Variants in KIF17 observed in about 807,000 individuals in gnomAD.
KIF17 encodes kinesin family member 17.
Under a neutral mutation model 96.8 loss-of-function variants are expected in KIF17, and 80 were observed. The ratio of observed to expected loss-of-function variants is 0.83; its 90% CI spans 0.69 to 1.00. The LOEUF (loss-of-function observed/expected upper bound fraction) is 1.00. KIF17 is among the 50% of genes least tolerant of loss of function. KIF17 has a pLI of 0.00. For synonymous variants in KIF17, 567 were observed against 587.5 expected (o/e 0.97, Z 0.51); for missense variants, 1,280 against 1,372.9 (o/e 0.93, Z 1.07).
chr1:20,712,860 ATATTATAGATATTATC>A (rs2054493511), intron 3 of KIF17, among the ~76,000 whole-genome samples: 1 of 65,496 alleles, frequency 1.5e-5, no homozygotes, highest in African/African-American at 5.4e-5. Flanking sequence ...AATATTATCT[ATATTATAGATATTATC>A]TATATATAAT....
At chr1:20,680,400 A>G (rs1397144458) in intron 11 of KIF17, among the ~76,000 whole-genome samples, 3 of 152,166 alleles carry the variant, frequency 2.0e-5, no homozygotes, top group Non-Finnish European at 2.9e-5. Context: ...AGCTCACAGA[A>G]CCAAGCCAGC....
chr1:20,679,313 A>T (rs1206402065), intron 11 of KIF17, among the ~76,000 whole-genome samples: 2 of 151,954 alleles, frequency 1.3e-5, no homozygotes, highest in African/African-American at 4.8e-5. Flanking sequence ...GCTACAAAAA[A>T]TAATAATAAT....
Position 20,687,336 on chromosome 1 carries a change from G to A in KIF17, c.1938+52C>T, listed in dbSNP as rs187193254. On this transcript the variant is annotated intron_variant, in intron 8 of 14. Coordinates refer to ENST00000400463, the MANE Select transcript of KIF17 (RefSeq NM_001122819.3). This position sits in a 1 kb window ranked among gnomAD's most constrained non-coding sequence, Gnocchi z 4.4. Reference sequence around the variant, plus strand: ...GTGCACAGTGAGCTCCGGGCCCTGGGCAAGCTCTGCCTGCTCAGTGTTCAC... The same window carrying A: ...GTGCACAGTGAGCTCCGGGCCCTGGACAAGCTCTGCCTGCTCAGTGTTCAC... 133 of 1,597,864 alleles carry A rather than the reference G, an allele frequency of 8.3e-5. 1 individual carries two copies. The East Asian group carries it at 2.3e-3, about 28-fold the overall frequency.
At chr1:20,677,528 C>A (rs894123273) in intron 11 of KIF17, among the ~76,000 whole-genome samples, 1 of 152,154 alleles carries the variant, frequency 6.6e-6, no homozygotes, top group Non-Finnish European at 1.5e-5. Context: ...AAGCAATGAT[C>A]CAGCCTCACA....
At chr1:20,695,802 TAC>T (rs1019359693) in intron 6 of KIF17, among the ~76,000 whole-genome samples, 22 of 152,280 alleles carry the variant, frequency 1.4e-4, no homozygotes, top group African/African-American at 4.8e-4. Context: ...CCCGACAGTC[TAC>T]AACACATGCT....
chr1:20,715,345 C>T (rs2054557794), intron 2 of KIF17, 148 bp downstream of exon 2: 1 of 1,058,154 alleles, frequency 9.5e-7, no homozygotes, highest in Non-Finnish European at 1.4e-6. Context: ...TTTTTTCCCA[C>T]CACCTTTTCA....
At chr1:20,714,561 C>T (rs910956696) in intron 2 of KIF17, among the ~76,000 whole-genome samples, 5 of 151,886 alleles carry the variant, frequency 3.3e-5, no homozygotes, top group African/African-American at 1.2e-4. Context: ...CTTTGGGAGG[C>T]CGAGGCCAAT....
chr1:20,677,339 C>T (rs2053755410), intron 11 of KIF17, among the ~76,000 whole-genome samples: 3 of 152,204 alleles, frequency 2.0e-5, no homozygotes, highest in Admixed American at 6.5e-5. Context: ...CTAGTGACAT[C>T]GAGCAAAATC....
chr1:20,713,312 AT>A (rs2054514864), intron 3 of KIF17, 141 bp downstream of exon 3: 1 of 631,408 alleles, frequency 1.6e-6, no homozygotes, highest in Admixed American at 3.0e-5. Flanking sequence ...GTTTTTTTTA[AT>A]TAAAAAAAAA....
intron 3 of KIF17, among the ~76,000 whole-genome samples, chr1:20,712,822 AGATAT>A (rs2054488298): frequency 1.1e-5 from 1 of 88,656 alleles, no homozygotes; most frequent in African/African-American, 4.6e-5. Flanking sequence ...TATATAATAT[AGATAT>A]TATCTATATT....
At position 20,685,015 on chromosome 1, in the gene KIF17, T is replaced by C. The variant is rs963158639; in HGVS notation, c.2025A>G (p.Val675=). 2 of 1,591,636 alleles carry C rather than the reference T, an allele frequency of 1.3e-6. No homozygotes were observed. Among genetic ancestry groups the C allele is most frequent in the African/African-American group, 1.3e-5 (1 of 74,476 alleles). ...CTAAGGCCACTTCCGAGGCCAGATCTACCTCCTGAGTGTGAAGAGAAACCC... is the reference window on the plus strand; with the variant it reads ...CTAAGGCCACTTCCGAGGCCAGATCCACCTCCTGAGTGTGAAGAGAAACCC... ...AADDFPPRPE[V]DLASEVALEV... The change falls in exon 10 of 15, where the codon GTA becomes GTG. Residue 675 remains valine, a synonymous_variant. Coordinates refer to ENST00000400463, the MANE Select transcript of KIF17 (RefSeq NM_001122819.3). The surrounding 1 kb of genome is among the most constrained non-coding windows in gnomAD (Gnocchi z 4.1).
chr1:20,712,820 ATAGATATTATCTATAT>A lies in KIF17; in HGVS notation c.480+618_480+633del, dbSNP rs1235258372. Among the ~76,000 whole-genome samples the A allele has an allele frequency of 3.5e-4, 32 of 91,954 alleles. 2 individuals carry two copies. The highest frequency in any genetic ancestry group is 1.3e-3 in the African/African-American group (31 of 23,066). 60.3% of individuals were successfully genotyped at this position (91,954 alleles called of 152,430 possible). On this transcript the variant is annotated intron_variant, in intron 3 of 14. Coordinates refer to ENST00000400463, the MANE Select transcript of KIF17 (RefSeq NM_001122819.3). ...AATAGATAATATCTATATATATAAT[ATAGATATTATCTATAT>A]TATAGATATAGATAATATTATCTAT...
rs181980737 is a variant in KIF17, at chr1:20,698,625, C to T, written c.1124-137G>A. 5 of 631,316 alleles carry T rather than the reference C, an allele frequency of 7.9e-6. No individual in the cohort carries two copies. The East Asian group carries it at 1.1e-4, about 14-fold the overall frequency. The allele number at this position is 631,316 out of a possible 1,614,324, so 39.1% of individuals were successfully genotyped here. ...ATTCAGCTTATTTCAAACACATCTC[C>T]ATGTAAAAGGCTGTTAGTCATCCAA... is the stretch of plus-strand genomic sequence containing the variant. On this transcript the variant is annotated intron_variant, in intron 5 of 14. Coordinates refer to ENST00000400463, the MANE Select transcript of KIF17 (RefSeq NM_001122819.3).
intron 14 of KIF17, among the ~76,000 whole-genome samples, chr1:20,665,002 T>A (rs1257820280): frequency 6.6e-6 from 1 of 151,994 alleles, no homozygotes; most frequent in Non-Finnish European, 1.5e-5. Flanking sequence ...TTTTAAAGCA[T>A]CAGACTGAGG....
downstream of KIF17, among the ~76,000 whole-genome samples, chr1:20,662,601 G>A (rs1047795987): frequency 1.3e-5 from 2 of 151,644 alleles, no homozygotes; most frequent in Middle Eastern, 3.2e-3. Flanking sequence ...TACCACATCC[G>A]CCCGCCTCTA....
At chr1:20,712,653 T>TTA (rs2054471387) in intron 3 of KIF17, among the ~76,000 whole-genome samples, 1 of 67,928 alleles carries the variant, frequency 1.5e-5, no homozygotes, top group South Asian at 3.7e-4. Context: ...ATAGATAATA[T>TTA]TATCTATATA....
chr1:20,717,864 CGCCCCGGA>C lies in KIF17; in HGVS notation c.-166_-159del. 2.4e-6 allele frequency: 1 copy of C among 420,174 alleles called. No homozygotes were observed. Among genetic ancestry groups the C allele is most frequent in the Admixed American group, 2.6e-4 (1 of 3,800 alleles). The allele number at this position is 420,174 out of a possible 1,614,324, so 26.0% of individuals were successfully genotyped here. A position where few individuals can be genotyped will look rare whatever the true frequency, so the allele number is the denominator to read the frequency against. On this transcript the variant is annotated 5_prime_UTR_variant, in exon 1 of 15. Coordinates refer to ENST00000400463, the MANE Select transcript of KIF17 (RefSeq NM_001122819.3). ...CGGGGGGCGGGGACCCCTCGGGGGG[CGCCCCGGA>C]GGGGAGCTGGGCGTCGCAGGACCCG...
At chr1:20,661,731 G>A (rs910306199), downstream of KIF17, among the ~76,000 whole-genome samples, 3 of 152,264 alleles carry the variant, frequency 2.0e-5, no homozygotes, top group Non-Finnish European at 4.4e-5. Flanking sequence ...GTCCTCCCCG[G>A]GCTTGACCGT....
chr1:20,664,802 G>T, intron 14 of KIF17, 40 bp from the exon 15 acceptor site: 1 of 1,585,398 alleles, frequency 6.3e-7, no homozygotes, highest in Non-Finnish European at 8.6e-7. Context: ...AGCCAGGAGC[G>T]CAGGGATGGA....
Sources: gnomAD v4.1 joint callset for allele counts (sites outside exome capture counted in the v4.1 genomes callset) on GRCh38, gnomAD v4.1.1 for gene constraint, Gnocchi (gnomAD v3.1) non-coding constraint, MANE v1.5 for transcripts, NCBI Gene and HGNC (gene_info 2026-07-23, HGNC 2026-07-21) for gene names.